The following NCOA3 variants were observed in gnomAD, a reference collection of about 807,000 sequenced individuals.
NCOA3 encodes the protein nuclear receptor coactivator 3.
Under a neutral mutation model 158.8 loss-of-function variants are expected in NCOA3, and 51 were observed. The ratio of observed to expected loss-of-function variants is 0.32; its 90% confidence interval spans 0.26 to 0.41. NCOA3 has a LOEUF of 0.41. Among genes scored for constraint, NCOA3 ranks in the 10% least tolerant of loss-of-function variants. NCOA3 has a pLI of 1.00. For synonymous variants in NCOA3, 537 were observed against 592.4 expected, an observed-to-expected ratio of 0.91 and a Z score of 1.36; for missense variants, 1,510 against 1,746.6, an observed-to-expected ratio of 0.86 and a Z score of 2.41.
intron 1 of NCOA3, among the ~76,000 whole-genome samples, chr20:47,528,591 CT>C (rs2084494817): frequency 6.6e-6 from 1 of 152,054 alleles, no homozygotes; most frequent in Admixed American, 6.5e-5. Flanking sequence ...TATACACATA[CT>C]GTCTTGTCTT....
In NCOA3 at chr20:47,564,976, C is replaced by T. The variant is rs551915568; in HGVS notation, c.-98-18207C>T. Among the ~76,000 whole-genome samples the T allele has an allele frequency of 2.0e-5, 3 of 151,936 alleles. No individual in the cohort carries two copies. In the South Asian group the frequency reaches 6.2e-4, roughly 32 times the overall value. ...GAGATGTTTTCTTTCTGTTACTTAACTATAGGGTGGTGGTTTTTTTTTTAG... is the reference window on the plus strand; with the variant it reads ...GAGATGTTTTCTTTCTGTTACTTAATTATAGGGTGGTGGTTTTTTTTTTAG... On this transcript the variant is annotated intron_variant, in intron 1 of 22. Coordinates refer to ENST00000371998, the MANE Select transcript of NCOA3 (RefSeq NM_181659.3).
At chr20:47,596,169 A>C (rs2085752809) in intron 2 of NCOA3, among the ~76,000 whole-genome samples, 1 of 152,242 alleles carries the variant, frequency 6.6e-6, no homozygotes, top group Non-Finnish European at 1.5e-5. Context: ...CCTTGAAGTC[A>C]CAGCTATCTT....
In NCOA3 at chr20:47,597,774, C is replaced by T. The variant is rs181447530; in HGVS notation, c.-20+14513C>T. ...AAAGTGCTGGGATTACAGGTGTGAG[C>T]CACCGCACCTGGCCTAACCTTTCCT... is the stretch of plus-strand genomic sequence containing the variant. On this transcript the variant is annotated intron_variant, in intron 2 of 22. Coordinates refer to ENST00000371998, the MANE Select transcript of NCOA3 (RefSeq NM_181659.3). Among the ~76,000 whole-genome samples the T allele has an allele frequency of 4.4e-3, 667 of 150,428 alleles. 5 individuals are homozygous for T. Among genetic ancestry groups the T allele is most frequent in the African/African-American group, 0.016 (646 of 41,194 alleles).
At chr20:47,617,066 C>T (rs1359429947) in intron 2 of NCOA3, among the ~76,000 whole-genome samples, 1 of 152,166 alleles carries the variant, frequency 6.6e-6, no homozygotes, top group African/African-American at 2.4e-5. Context: ...AGCTTTTCTC[C>T]TGCCTCAGCT....
intron 1 of NCOA3, among the ~76,000 whole-genome samples, chr20:47,553,653 G>GT (rs1337573915): frequency 4.7e-5 from 7 of 149,606 alleles, no homozygotes; most frequent in African/African-American, 1.7e-4. Flanking sequence ...GCGGTGTTTG[G>GT]TTTTTTGTCC....
chr20:47,522,385 C>T (rs1316923276), intron 1 of NCOA3, among the ~76,000 whole-genome samples: 2 of 148,838 alleles, frequency 1.3e-5, no homozygotes, highest in African/African-American at 2.5e-5. Flanking sequence ...GGATTACAGG[C>T]GTGAGCCACA....
chr20:47,514,820 G>T (rs2084206283), intron 1 of NCOA3, among the ~76,000 whole-genome samples: 1 of 150,208 alleles, frequency 6.7e-6, no homozygotes, highest in Non-Finnish European at 1.5e-5. Context: ...GAGTAGCTGG[G>T]ATTACAGGTG....
chr20:47,635,257 A>T, intron 10 of NCOA3, 65 bp from the exon 11 acceptor site: 1 of 1,451,724 alleles, frequency 6.9e-7, no homozygotes, highest in Non-Finnish European at 9.3e-7. Context: ...TTTATTTTAA[A>T]TCTGATTAAA....
rs546390148 is a variant in NCOA3 at position 47,654,597 on chromosome 20, C to A, written c.*1180C>A. The A allele has an allele frequency of 6.6e-6, 1 of 152,436 alleles. No homozygotes were observed. Among genetic ancestry groups the A allele is most frequent in the Non-Finnish European group, 1.5e-5 (1 of 68,006 alleles). The allele number at this position is 152,436 out of a possible 1,614,324, so 9.4% of individuals were successfully genotyped here. A position where few individuals can be genotyped will look rare whatever the true frequency, so the allele number is the denominator to read the frequency against. On this transcript the variant is annotated 3_prime_UTR_variant, in exon 23 of 23. Transcript: ENST00000371998. The stretch of plus-strand genomic sequence containing the variant: ...TGCTCCACAGCTTTTCCTTCCCCAC[C>A]CCCCAGCCTTAGATGCCTCGCTCTT...
At chr20:47,649,256 A>C in intron 19 of NCOA3, 147 bp downstream of exon 19, 1 of 514,526 alleles carries the variant, frequency 1.9e-6, no homozygotes, top group Non-Finnish European at 3.4e-6. Flanking sequence ...AAGACTTTCG[A>C]CTCTTCCATT....
At chr20:47,606,603 T>C (rs2062928835) in intron 2 of NCOA3, among the ~76,000 whole-genome samples, 1 of 152,224 alleles carries the variant, frequency 6.6e-6, no homozygotes, top group African/African-American at 2.4e-5. Flanking sequence ...GTCGTTTTAA[T>C]GTTCTGTGTG....
At position 47,577,125 on chromosome 20, in the gene NCOA3, A is replaced by G. The variant is rs893630840; in HGVS notation, c.-98-6058A>G. Among the ~76,000 whole-genome samples the G allele has an allele frequency of 3.3e-5, 5 of 152,252 alleles. 1 individual carries two copies. Among genetic ancestry groups the G allele is most frequent in the Non-Finnish European group, 5.9e-5 (4 of 68,040 alleles). On this transcript the variant is annotated intron_variant, in intron 1 of 22. Coordinates refer to ENST00000371998, the MANE Select transcript of NCOA3 (RefSeq NM_181659.3). Reference sequence around the variant, plus strand: ...TTAGTTCCATTGTTCATCAGTGGATAGTATCGTTGTATAAGCAAAAATGTA... The same window carrying G: ...TTAGTTCCATTGTTCATCAGTGGATGGTATCGTTGTATAAGCAAAAATGTA...
chr20:47,606,772 T>A (rs1250526215), intron 2 of NCOA3, among the ~76,000 whole-genome samples: 3 of 152,132 alleles, frequency 2.0e-5, no homozygotes, highest in Non-Finnish European at 4.4e-5. Context: ...GGCTATTGAG[T>A]CTTGGTTATT....
chr20:47,540,603 G>C (rs1391244958), intron 1 of NCOA3, among the ~76,000 whole-genome samples: 2 of 151,390 alleles, frequency 1.3e-5, no homozygotes, highest in East Asian at 3.9e-4. Context: ...AAATATCTTT[G>C]TATTTACTCT....
intron 1 of NCOA3, among the ~76,000 whole-genome samples, chr20:47,543,074 C>T (rs1202826916): frequency 6.6e-6 from 1 of 152,156 alleles, no homozygotes; most frequent in Non-Finnish European, 1.5e-5. Context: ...TTTTAGTACT[C>T]TTAATGGGTT....
chr20:47,521,286 C>T (rs997130701), intron 1 of NCOA3, among the ~76,000 whole-genome samples: 1 of 152,172 alleles, frequency 6.6e-6, no homozygotes, highest in African/African-American at 2.4e-5. Context: ...CACAGGCAAG[C>T]CCCCAAATTT....
intron 1 of NCOA3, among the ~76,000 whole-genome samples, chr20:47,551,622 T>A (rs1162422887): frequency 6.6e-6 from 1 of 152,198 alleles, no homozygotes; most frequent in Non-Finnish European, 1.5e-5. Flanking sequence ...ATTTTCTTAC[T>A]AAGATGAATG....
intron 1 of NCOA3, among the ~76,000 whole-genome samples, chr20:47,554,827 T>A (rs897395481): frequency 3.4e-4 from 51 of 152,134 alleles, no homozygotes; most frequent in African/African-American, 1.2e-3. Flanking sequence ...GAGCTACCAA[T>A]GACTTTCTTC....
At chr20:47,651,370 G>A (rs1602549273) in intron 20 of NCOA3, 94 bp downstream of exon 20, 21 of 1,504,416 alleles carry the variant, frequency 1.4e-5, no homozygotes, top group Non-Finnish European at 1.5e-5. Context: ...ACAAAAACAC[G>A]ATTCACTCCC....
Sources: allele counts gnomAD v4.1 joint callset (sites outside exome capture counted in the v4.1 genomes callset), GRCh38; gene constraint gnomAD v4.1.1; transcripts MANE v1.5; gene names NCBI Gene and HGNC (gene_info 2026-07-23, HGNC 2026-07-21).